CACNA2D4: variants seen among roughly 807,000 people sequenced by gnomAD.
CACNA2D4 encodes calcium voltage-gated channel auxiliary subunit alpha2delta 4.
In CACNA2D4, 157 loss-of-function variants were observed where a neutral mutation model predicts 163.8. The observed-to-expected ratio is 0.96, with a 90% CI of 0.84 to 1.09. The LOEUF is 1.09. CACNA2D4 is among the 50% of genes least tolerant of loss of function. The probability of loss-of-function intolerance (pLI) is 0.00; values close to 1 mark genes in which losing one functional copy is unlikely to be tolerated. For missense variants in CACNA2D4, 1,410 were observed against 1,479.9 expected (o/e 0.95, Z 0.78); for synonymous variants, 598 against 586.9 (o/e 1.02, Z -0.27).
intron 29 of CACNA2D4, among the ~76,000 whole-genome samples, chr12:1,805,182 C>G (rs1484320419): frequency 6.6e-6 from 1 of 152,104 alleles, no homozygotes; most frequent in Admixed American, 6.5e-5. Flanking sequence ...AGTCGAGGAC[C>G]CCCCCTGCCT....
At chr12:1,846,742 G>C in intron 23 of CACNA2D4, 53 bp from the exon 24 acceptor site, 1 of 1,433,322 alleles carries the variant, frequency 7.0e-7, no homozygotes, top group South Asian at 1.2e-5. Flanking sequence ...GCAAGAGCTT[G>C]GGGGCGACCT....
chr12:1,894,442 A>G (rs1175773531), intron 6 of CACNA2D4, among the ~76,000 whole-genome samples: 2 of 152,174 alleles, frequency 1.3e-5, no homozygotes, highest in Admixed American at 1.3e-4. Flanking sequence ...CAACAAAAGA[A>G]AACTACAGGC....
At chr12:1,809,388 C>A in intron 29 of CACNA2D4, 2 of 621,026 alleles carry the variant, frequency 3.2e-6, no homozygotes, top group Admixed American at 2.7e-5. Flanking sequence ...GTCGCTTGCC[C>A]ACATCACGTT....
At chr12:1,822,047 C>G (rs1864126019) in intron 26 of CACNA2D4, 1 of 152,068 alleles carries the variant, frequency 6.6e-6, no homozygotes, top group Non-Finnish European at 1.5e-5. Flanking sequence ...CCAAGAAGAG[C>G]CCAGCTTTTC....
chr12:1,866,805 T>C (rs1865661095), intron 18 of CACNA2D4, among the ~76,000 whole-genome samples: 1 of 135,188 alleles, frequency 7.4e-6, no homozygotes, highest in South Asian at 2.4e-4. Flanking sequence ...TTTTTTTTTG[T>C]ATTTTTTTGT....
chr12:1,797,653 G>T (rs1863174542), intron 34 of CACNA2D4, 118 bp from the exon 35 acceptor site: 2 of 798,990 alleles, frequency 2.5e-6, no homozygotes, highest in Non-Finnish European at 4.2e-6. Context: ...TCCCTCCTCA[G>T]GCAGTTCTCA....
At chr12:1,911,267 G>A (rs1243701628) in intron 3 of CACNA2D4, among the ~76,000 whole-genome samples, 1 of 151,918 alleles carries the variant, frequency 6.6e-6, no homozygotes, top group African/African-American at 2.4e-5. Flanking sequence ...GTGATCTGCC[G>A]GCCTTGGCTT....
In CACNA2D4 at chr12:1,918,453, G is replaced by A; in HGVS notation, c.21C>T (p.Ala7=). 6.5e-7 allele frequency: 1 copy of A among 1,544,804 alleles called. No homozygotes were observed. The highest frequency in any genetic ancestry group is 8.8e-7 in the Non-Finnish European group (1 of 1,134,212). The change falls in exon 1 of 38, where the codon GCC becomes GCT. Residue 7 remains alanine (A), a synonymous_variant. Transcript: ENST00000382722. The stretch of plus-strand genomic sequence containing the variant: ...GCCTGGGGTTGGGGAGGGGAAGGAG[G>A]GCAGAGCAGCCACAGACCATGAGCT... MVCGCS[A]LLPLPNPRPT...
intron 3 of CACNA2D4, among the ~76,000 whole-genome samples, chr12:1,911,754 G>A (rs1866824945): frequency 6.6e-6 from 1 of 152,162 alleles, no homozygotes; most frequent in African/African-American, 2.4e-5. Context: ...AGGACTGCTC[G>A]CTGCTCTAGT....
chr12:1,821,501 G>C (rs1211726430), intron 26 of CACNA2D4, among the ~76,000 whole-genome samples: 1 of 152,222 alleles, frequency 6.6e-6, no homozygotes, highest in East Asian at 1.9e-4. Flanking sequence ...CTAGCCCAAG[G>C]GCAAGACAGG....
At position 1,914,954 on chromosome 12, in the gene CACNA2D4, A is replaced by T. The variant is rs1866928609; in HGVS notation, c.228-19T>A. On this transcript the variant is annotated intron_variant, in intron 1 of 37. Transcript: ENST00000382722. ...CTTCACTCTGCCAGGCAATGAAAGG[A>T]CACGCGTATACACACACGTACACGC... 1 of 1,547,606 alleles carries T rather than the reference A, an allele frequency of 6.5e-7. No individual in the cohort carries two copies. Among genetic ancestry groups the T allele is most frequent in the Non-Finnish European group, 8.9e-7 (1 of 1,119,000 alleles).
chr12:1,846,909 T>C (rs979474662), intron 23 of CACNA2D4, among the ~76,000 whole-genome samples: 1 of 152,200 alleles, frequency 6.6e-6, no homozygotes, highest in African/African-American at 2.4e-5. Flanking sequence ...AGCACCCCTG[T>C]GAAGTGAAGC....
In CACNA2D4 at chr12:1,878,932, C is replaced by T. The variant is rs1295627956; in HGVS notation, c.1644+24G>A. ...TTGCTCCTGGGGAACCTGTGATCCC[C>T]ACAGGGAACAGACCCAGGCTCACCT... On this transcript the variant is annotated intron_variant, in intron 15 of 37. Coordinates refer to ENST00000382722, the MANE Select transcript of CACNA2D4 (RefSeq NM_172364.5). This position sits in a 1 kb window ranked among gnomAD's most constrained non-coding sequence, Gnocchi z 4.6. 1 of 1,606,452 alleles carries T rather than the reference C, an allele frequency of 6.2e-7. No individual in the cohort carries two copies. The highest frequency in any genetic ancestry group is 2.2e-5 in the East Asian group (1 of 44,818).
chr12:1,918,508 G>A lies in CACNA2D4; in HGVS notation c.-35C>T, dbSNP rs370004639. ...CTGCCTTCCTCCCAGACCCCAGGAC[G>A]CCCCAGGCCTTTGTCTTCCGTGCCT... On this transcript the variant is annotated 5_prime_UTR_variant, in exon 1 of 38. Coordinates refer to ENST00000382722, the MANE Select transcript of CACNA2D4 (RefSeq NM_172364.5). 7.3e-6 allele frequency: 11 copies of A among 1,513,130 alleles called. No homozygotes were observed. The highest frequency in any genetic ancestry group is 5.6e-5 in the African/African-American group (4 of 71,870). The allele number at this position is 1,513,130 out of a possible 1,614,324, so 93.7% of individuals were successfully genotyped here.
intron 23 of CACNA2D4, among the ~76,000 whole-genome samples, chr12:1,846,965 G>T (rs1865159714): frequency 6.6e-6 from 1 of 152,218 alleles, no homozygotes. Context: ...CTCTTAATTT[G>T]TTCTCCTGGC....
In CACNA2D4 at chr12:1,858,620, G is replaced by C; in HGVS notation, c.1965C>G (p.Gly655=). 4 of 1,610,930 alleles carry C rather than the reference G, an allele frequency of 2.5e-6. No individual in the cohort carries two copies. Among genetic ancestry groups the C allele is most frequent in the Non-Finnish European group, 3.4e-6 (4 of 1,178,284 alleles). The change falls in exon 20 of 38, where the codon GGC becomes GGG. Residue 655 remains glycine (G), a synonymous_variant. Coordinates refer to ENST00000382722, the MANE Select transcript of CACNA2D4 (RefSeq NM_172364.5). ...PFSLGVVLSR[G]HGEYILLGNT... The stretch of plus-strand genomic sequence containing the variant: ...TCCCCAGAAGGATGTATTCTCCGTG[G>C]CCCCGGGACAGCACCACCCCCAAAC...
intron 26 of CACNA2D4, chr12:1,827,736 C>A: frequency 5.8e-6 from 1 of 173,474 alleles, no homozygotes; most frequent in African/African-American, 2.4e-5. Context: ...AAGGAATGCC[C>A]AGATGGGAGA....
Position 1,801,135 on chromosome 12 carries a change from G to T in CACNA2D4, c.2793-17C>A. The T allele has an allele frequency of 6.2e-7, 1 of 1,612,406 alleles. No homozygotes were observed. On this transcript the variant is annotated splice_polypyrimidine_tract_variant and intron_variant, in intron 30 of 37. Transcript: ENST00000382722. ...ATAGTCACTCTGAAAATCAGAAGCG[G>T]GCTGTGATGAGTCCAAAGCCACCCC...
rs1226557484 is a variant in CACNA2D4, at chr12:1,917,059, C to A, written c.227+1188G>T. 6.6e-6 allele frequency among the ~76,000 whole-genome samples: 1 copy of A among 152,184 alleles called. No individual in the cohort carries two copies. Among genetic ancestry groups the A allele is most frequent in the Non-Finnish European group, 1.5e-5 (1 of 68,038 alleles). ...TGAAAATTGTTCTGAACATCTCCTG[C>A]AGCAACAGATAGCGTTACGGGCTGG... On this transcript the variant is annotated intron_variant, in intron 1 of 37. Coordinates refer to ENST00000382722, the MANE Select transcript of CACNA2D4 (RefSeq NM_172364.5). The surrounding 1 kb of genome is among the most constrained non-coding windows in gnomAD (Gnocchi z 4.3).
Sources: allele counts gnomAD v4.1 joint callset (sites outside exome capture counted in the v4.1 genomes callset), GRCh38; gene constraint gnomAD v4.1.1; non-coding constraint Gnocchi (gnomAD v3.1); transcripts MANE v1.5; gene names NCBI Gene and HGNC (gene_info 2026-07-23, HGNC 2026-07-21).